DDC: variants seen among roughly 807,000 people sequenced by gnomAD.
DDC encodes the protein dopa decarboxylase, also known as aromatic-L-amino-acid decarboxylase.
Under a neutral mutation model 60.0 loss-of-function variants are expected in DDC, and 43 were observed. That is an observed-to-expected ratio of 0.72 (90% CI 0.56 to 0.92). DDC has a LOEUF of 0.92. Among genes scored for constraint, DDC ranks in the 40% least tolerant of loss-of-function variants. The pLI is 0.00. For missense variants in DDC, 573 were observed against 620.2 expected, an observed-to-expected ratio of 0.92 and a Z score of 0.81; for synonymous variants, 232 against 234.6, an observed-to-expected ratio of 0.99 and a Z score of 0.10.
intron 9 of DDC, chr7:50,493,136 A>C: frequency 1.3e-6 from 1 of 755,084 alleles, no homozygotes; most frequent in Non-Finnish European, 2.2e-6. Context: ...AGAGCGTGGC[A>C]ATGTCTGTGT....
intron 6 of DDC, among the ~76,000 whole-genome samples, chr7:50,512,386 C>T (rs771651140): frequency 5.3e-5 from 8 of 152,148 alleles, no homozygotes; most frequent in Non-Finnish European, 7.3e-5. Context: ...AAAACTTTTA[C>T]CTACTGGCAG....
intron 2 of DDC, chr7:50,543,397 G>C: frequency 4.3e-6 from 1 of 230,784 alleles, no homozygotes; most frequent in South Asian, 6.9e-5. Flanking sequence ...CAGAGAAAAA[G>C]GGCTGCCTTG....
At chr7:50,521,489 A>G (rs536805328) in intron 6 of DDC, among the ~76,000 whole-genome samples, 17 of 152,212 alleles carry the variant, frequency 1.1e-4, no homozygotes, top group Non-Finnish European at 2.2e-4. Context: ...AATATCTCTC[A>G]TAAATAGAGA....
intron 3 of DDC, chr7:50,538,975 A>G (rs1231847239): frequency 6.6e-6 from 1 of 152,422 alleles, no homozygotes; most frequent in East Asian, 1.9e-4. Context: ...AGGGCCCATG[A>G]TGCCTGCTCA....
chr7:50,526,808 CAT>C (rs2044048805), intron 6 of DDC, among the ~76,000 whole-genome samples: 1 of 152,196 alleles, frequency 6.6e-6, no homozygotes, highest in Non-Finnish European at 1.5e-5. Context: ...CAATAGAAAA[CAT>C]ATGCAATTAT....
rs73695516 is a variant in DDC at position 50,532,747 on chromosome 7, G to A, written c.436-3405C>T. 6.6e-3 allele frequency among the ~76,000 whole-genome samples: 1,006 copies of A among 152,270 alleles called. 14 individuals carry two copies. Among genetic ancestry groups the A allele is most frequent in the African/African-American group, 0.023 (965 of 41,554 alleles). On this transcript the variant is annotated intron_variant, in intron 4 of 14. Transcript: ENST00000444124. Reference sequence around the variant, plus strand: ...AGCTTATATTATGAGGGATTGATAAGATTTTTTTGAGGAGTATATAATTAG... The same window carrying A: ...AGCTTATATTATGAGGGATTGATAAAATTTTTTTGAGGAGTATATAATTAG...
At chr7:50,475,274 T>G (rs2042616295) in intron 11 of DDC, among the ~76,000 whole-genome samples, 1 of 152,224 alleles carries the variant, frequency 6.6e-6, no homozygotes, top group African/African-American at 2.4e-5. Flanking sequence ...AATATTATTG[T>G]CATATTTTCC....
At chr7:50,492,902 T>C in intron 9 of DDC, 1 of 1,595,264 alleles carries the variant, frequency 6.3e-7, no homozygotes, top group Non-Finnish European at 8.5e-7. Flanking sequence ...GGGCATCAGC[T>C]CTGCGGCAGG....
chr7:50,459,843 C>T (rs1365796860), intron 14 of DDC, among the ~76,000 whole-genome samples: 2 of 147,480 alleles, frequency 1.4e-5, no homozygotes, highest in Non-Finnish European at 3.0e-5. Flanking sequence ...GGGGAATCAG[C>T]CCCCGGCCCG....
At position 50,528,073 on chromosome 7, in the gene DDC, G is replaced by T. The variant is rs1227850803; in HGVS notation, c.714+64C>A. 48 of 1,562,640 alleles carry T rather than the reference G, an allele frequency of 3.1e-5. No individual in the cohort carries two copies. In the Admixed American group the frequency reaches 3.5e-4, roughly 11 times the overall value. ...CACCATGCCCGGCTAATTTTTTTTT[G>T]TATTTTTAGTAGAGACGGAGTTTCA... On this transcript the variant is annotated intron_variant, in intron 6 of 14. Coordinates refer to ENST00000444124, the MANE Select transcript of DDC (RefSeq NM_001082971.2).
intron 10 of DDC, 130 bp from the exon 11 acceptor site, chr7:50,476,773 G>A: frequency 1.2e-6 from 1 of 804,640 alleles, no homozygotes; most frequent in Non-Finnish European, 2.1e-6. Context: ...CCCAAAGGCT[G>A]GGTCTGGGTG....
chr7:50,482,625 G>A (rs1274941782), intron 9 of DDC, among the ~76,000 whole-genome samples: 1 of 152,032 alleles, frequency 6.6e-6, no homozygotes, highest in African/African-American at 2.4e-5. Context: ...TATTATGCCA[G>A]GATATTTATT....
intron 6 of DDC, among the ~76,000 whole-genome samples, chr7:50,522,950 A>T (rs1379375919): frequency 2.0e-5 from 3 of 152,170 alleles, no homozygotes; most frequent in African/African-American, 7.2e-5. Flanking sequence ...AAACAGCCGG[A>T]TCTCATGAGA....
chr7:50,508,187 T>A (rs1215681291), intron 6 of DDC, among the ~76,000 whole-genome samples: 1 of 152,234 alleles, frequency 6.6e-6, no homozygotes, highest in Non-Finnish European at 1.5e-5. Context: ...TACGTGGGGC[T>A]GAGCTACAAG....
intron 6 of DDC, among the ~76,000 whole-genome samples, chr7:50,510,345 A>G (rs546126748): frequency 2.0e-5 from 3 of 152,248 alleles, no homozygotes; most frequent in South Asian, 2.1e-4. Flanking sequence ...AAATGAATAA[A>G]ATTTTTAAGT....
intron 2 of DDC, 143 bp from the exon 3 acceptor site, chr7:50,540,171 C>T: frequency 4.3e-6 from 3 of 693,062 alleles, no homozygotes; most frequent in Non-Finnish European, 7.9e-6. Context: ...CAAATGTCAG[C>T]CATCCCATTA....
intron 14 of DDC, among the ~76,000 whole-genome samples, chr7:50,462,225 A>AT (rs2042289847): frequency 2.8e-5 from 3 of 108,542 alleles, no homozygotes; most frequent in Non-Finnish European, 3.9e-5. Context: ...GGACAAAAAG[A>AT]CAAAAAAAAA....
At chr7:50,561,200 C>G (rs904720983) in intron 1 of DDC, 1 of 152,186 alleles carries the variant, frequency 6.6e-6, no homozygotes, top group African/African-American at 2.4e-5. Context: ...CCTCCTGCCC[C>G]CACTCTGCCC....
chr7:50,493,039 T>C (rs1329925273), intron 9 of DDC: 2 of 1,541,830 alleles, frequency 1.3e-6, no homozygotes, highest in Non-Finnish European at 1.8e-6. Flanking sequence ...TTACACTCCT[T>C]CTTATCGTGT....
Sources: allele counts gnomAD v4.1 joint callset (sites outside exome capture counted in the v4.1 genomes callset), GRCh38; gene constraint gnomAD v4.1.1; transcripts MANE v1.5; gene names NCBI Gene and HGNC (gene_info 2026-07-23, HGNC 2026-07-21).